The following APOLD1 variants were observed in gnomAD, a reference collection of about 807,000 sequenced individuals.
APOLD1 encodes apolipoprotein L domain containing 1, also known as apolipoprotein L domain-containing protein 1.
In APOLD1, 22 loss-of-function variants were observed where a neutral mutation model predicts 15.3. The observed-to-expected ratio is 1.44, with a 90% CI of 1.03 to 2.05. The LOEUF is 2.05. APOLD1 is among the 30% of genes most tolerant of loss of function. The probability of loss-of-function intolerance (pLI) is 0.00; values close to 1 mark genes in which losing one functional copy is unlikely to be tolerated. For synonymous variants in APOLD1, 190 were observed against 167.4 expected, an observed-to-expected ratio of 1.13 and a Z score of -1.04; for missense variants, 394 against 353.5, an observed-to-expected ratio of 1.11 and a Z score of -0.92.
chr12:12,788,812 C>T lies in APOLD1; in HGVS notation c.*1160C>T, dbSNP rs112042934. 1.3e-5 allele frequency: 2 copies of T among 152,332 alleles called. No homozygotes were observed. Among genetic ancestry groups the T allele is most frequent in the African/African-American group, 2.4e-5 (1 of 41,564 alleles). 9.4% of individuals were successfully genotyped at this position (152,332 alleles called of 1,614,324 possible). The stretch of plus-strand genomic sequence containing the variant: ...CTTGATGAGCTTTCACGAAGTCTCA[C>T]GGCTTCTCTAGGGACTCCATGGTCT... On this transcript the variant is annotated 3_prime_UTR_variant, in exon 2 of 2. Coordinates refer to ENST00000356591, the MANE Select transcript of APOLD1 (RefSeq NM_030817.3).
rs71436735 is a variant in APOLD1, at chr12:12,777,889, G to GTTTTTTTTTT, written c.97-8993_97-8984dup. Among the ~76,000 whole-genome samples, 66 of 117,044 alleles carry GTTTTTTTTTT rather than the reference G, an allele frequency of 5.6e-4. 5 individuals carry two copies. Among genetic ancestry groups the GTTTTTTTTTT allele is most frequent in the Non-Finnish European group, 8.4e-4 (49 of 58,286 alleles). 76.8% of individuals were successfully genotyped at this position (117,044 alleles called of 152,430 possible). On this transcript the variant is annotated intron_variant, in intron 1 of 1. Coordinates refer to the APOLD1 transcript ENST00000326765. ...AAATATCTTCTCTACAAGGAAAGGT[G>GTTTTTTTTTT]TTTTTTTTTTTTTTTTTTTTTTTTT...
chr12:12,787,548 G>T lies in APOLD1; in HGVS notation c.643G>T (p.Glu215Ter), dbSNP rs541411356. Reference sequence around the variant, plus strand: ...GGAGTCCTGCACCGGGGCTCTGGACGAACTCAGCGAGCAGCTGGAGTCTCG... The same window carrying T: ...GGAGTCCTGCACCGGGGCTCTGGACTAACTCAGCGAGCAGCTGGAGTCTCG... ...SLESCTGALD[E>*]LSEQLESRVQ... The change falls in exon 2 of 2, where the codon GAA (glutamate) becomes TAA (stop). Residue 215 changes from glutamate (E) to a stop codon, truncating the protein, a stop_gained. Transcript: ENST00000356591. LOFTEE classifies it high-confidence loss of function. The surrounding 1 kb of genome is among the most constrained non-coding windows in gnomAD (Gnocchi z 4.9). 2 of 1,613,770 alleles carry T rather than the reference G, an allele frequency of 1.2e-6. No homozygotes were observed. Among genetic ancestry groups the T allele is most frequent in the South Asian group, 2.2e-5 (2 of 91,088 alleles).
chr12:12,774,546 CAAAAAAAAAAAAAAAAAA>C (rs57343706), intron 1 of APOLD1, among the ~76,000 whole-genome samples: 1 of 42,288 alleles, frequency 2.4e-5, no homozygotes, highest in African/African-American at 7.6e-5. Flanking sequence ...ACTCTAACTC[CAAAAAAAAAAAAAAAAAA>C]AAAAAAAAAA....
chr12:12,752,136 G>C (rs960847727), intron 1 of APOLD1, among the ~76,000 whole-genome samples: 2 of 152,146 alleles, frequency 1.3e-5, no homozygotes, highest in Non-Finnish European at 2.9e-5. Flanking sequence ...TTTTACAGTG[G>C]AAAGAAGAGA....
At chr12:12,768,831 A>C (rs970304887) in intron 1 of APOLD1, among the ~76,000 whole-genome samples, 2 of 150,258 alleles carry the variant, frequency 1.3e-5, no homozygotes, top group Non-Finnish European at 3.0e-5. Context: ...TTTTTTTAGC[A>C]TTGAAAGTAA....
chr12:12,756,582 A>T (rs1431692626), intron 1 of APOLD1, among the ~76,000 whole-genome samples: 1 of 152,116 alleles, frequency 6.6e-6, no homozygotes, highest in Non-Finnish European at 1.5e-5. Context: ...GCAATTTCTC[A>T]TTGTTGTGCA....
intron 1 of APOLD1, among the ~76,000 whole-genome samples, chr12:12,780,319 A>G (rs1184540983): frequency 1.3e-5 from 2 of 148,990 alleles, no homozygotes; most frequent in Non-Finnish European, 3.0e-5. Context: ...ATCTCGGCTC[A>G]CTGCAGCCTC....
intron 1 of APOLD1, among the ~76,000 whole-genome samples, chr12:12,779,749 G>A (rs560298352): frequency 1.7e-4 from 26 of 152,318 alleles, no homozygotes; most frequent in African/African-American, 6.0e-4. Context: ...AAATGACAGA[G>A]GTGAGGACTA....
At chr12:12,777,578 A>G (rs1217790691) in intron 1 of APOLD1, among the ~76,000 whole-genome samples, 1 of 152,178 alleles carries the variant, frequency 6.6e-6, no homozygotes, top group Admixed American at 6.5e-5. Flanking sequence ...ATTTTAGAAT[A>G]TTTGCATTAT....
intron 1 of APOLD1, among the ~76,000 whole-genome samples, chr12:12,755,017 G>A (rs1946846164): frequency 6.6e-6 from 1 of 151,960 alleles, no homozygotes; most frequent in African/African-American, 2.4e-5. Context: ...CTGCACTCCA[G>A]TCTGGGCGAC....
At chr12:12,747,099 A>G (rs372330949) in intron 1 of APOLD1, among the ~76,000 whole-genome samples, 1 of 152,124 alleles carries the variant, frequency 6.6e-6, no homozygotes, top group African/African-American at 2.4e-5. Flanking sequence ...TTATTTAATT[A>G]CCCATGTAAT....
rs774905118 is a variant in APOLD1, at chr12:12,787,544, G to A, written c.639G>A (p.Leu213=). Residue 213 remains leucine, a synonymous_variant, in exon 2 of 2, where the codon CTG becomes CTA. Coordinates refer to ENST00000356591, the MANE Select transcript of APOLD1 (RefSeq NM_030817.3). This position sits in a 1 kb window ranked among gnomAD's most constrained non-coding sequence, Gnocchi z 4.9. ...GCCTGGAGTCCTGCACCGGGGCTCT[G>A]GACGAACTCAGCGAGCAGCTGGAGT... ...AESLESCTGA[L]DELSEQLESR... is the part of the protein sequence containing the mutation. The A allele has an allele frequency of 4.6e-5, 75 of 1,613,736 alleles. No individual in the cohort carries two copies. The highest frequency in any genetic ancestry group is 6.3e-5 in the Non-Finnish European group (74 of 1,180,042).
At chr12:12,775,544 G>A (rs1320812577) in intron 1 of APOLD1, among the ~76,000 whole-genome samples, 3 of 152,140 alleles carry the variant, frequency 2.0e-5, no homozygotes, top group Non-Finnish European at 4.4e-5. Flanking sequence ...CAGGGAGCAC[G>A]GGGTGTCTCT....
intron 1 of APOLD1, among the ~76,000 whole-genome samples, chr12:12,730,692 AAAAAAAG>A (rs1342489949): frequency 3.3e-5 from 4 of 122,368 alleles, no homozygotes; most frequent in Admixed American, 2.9e-4. Flanking sequence ...AAAAAAAAAA[AAAAAAAG>A]AAAGAAAGAA....
intron 1 of APOLD1, chr12:12,764,628 G>A: frequency 4.4e-6 from 2 of 457,066 alleles, no homozygotes; most frequent in Non-Finnish European, 8.9e-6. Flanking sequence ...ACTAGGTGTG[G>A]GCTTTATTGG....
intron 1 of APOLD1, among the ~76,000 whole-genome samples, 159 bp downstream of exon 1, chr12:12,785,853 G>A (rs897381072): frequency 1.3e-5 from 2 of 152,230 alleles, no homozygotes; most frequent in Admixed American, 1.3e-4. Context: ...GCTCTGTGAA[G>A]AATCAGCTGC....
chr12:12,782,711 G>A (rs1347652405), upstream of APOLD1, among the ~76,000 whole-genome samples: 1 of 152,186 alleles, frequency 6.6e-6, no homozygotes, highest in Non-Finnish European at 1.5e-5. Context: ...AGATCTGAAG[G>A]CTAGTTTGAA....
At chr12:12,747,420 T>A (rs1946774564) in intron 1 of APOLD1, among the ~76,000 whole-genome samples, 1 of 152,198 alleles carries the variant, frequency 6.6e-6, no homozygotes, top group Non-Finnish European at 1.5e-5. Context: ...TTGGGGAAAA[T>A]AAAGTGAGCA....
chr12:12,733,280 A>C (rs1329050928), intron 1 of APOLD1, among the ~76,000 whole-genome samples: 4 of 151,994 alleles, frequency 2.6e-5, no homozygotes, highest in African/African-American at 9.7e-5. Flanking sequence ...AGCTGTGATC[A>C]CGCCACTGCA....
Sources: gnomAD v4.1 joint callset for allele counts (sites outside exome capture counted in the v4.1 genomes callset) on GRCh38, gnomAD v4.1.1 for gene constraint, Gnocchi (gnomAD v3.1) non-coding constraint, MANE v1.5 for transcripts, NCBI Gene and HGNC (gene_info 2026-07-23, HGNC 2026-07-21) for gene names.